CR1L: variants seen among roughly 807,000 people sequenced by gnomAD.
CR1L encodes the protein complement C3b/C4b receptor 1 like.
A neutral mutation model predicts 62.3 loss-of-function variants in CR1L; 59 were observed. That is an observed-to-expected ratio of 0.95 (90% confidence interval 0.77 to 1.18). The LOEUF is 1.18. Ranked by LOEUF, CR1L falls within the 50% of genes most tolerant of loss-of-function variation. The pLI, the probability that CR1L is intolerant of heterozygous loss-of-function variation, is 0.00. For missense variants in CR1L, 700 were observed against 702.8 expected, an observed-to-expected ratio of 1.00 and a Z score of 0.04; for synonymous variants, 279 against 248.7, an observed-to-expected ratio of 1.12 and a Z score of -1.15.
At position 207,697,666 on chromosome 1, in the gene CR1L, C is replaced by A. The variant is rs1176246630; in HGVS notation, c.1026C>A (p.Ala342=). Residue 342 remains alanine (A), a synonymous_variant, in exon 6 of 12, where the codon GCC becomes GCA. Transcript: ENST00000508064. The part of the protein sequence containing the change: ...CTPQGDWSPA[A]PRCEVKSCDD... Reference sequence around the variant, plus strand: ...CCCAGGGAGACTGGAGCCCTGCAGCCCCCAGATGTGAAGGTGACTAGACTC... The same window carrying A: ...CCCAGGGAGACTGGAGCCCTGCAGCACCCAGATGTGAAGGTGACTAGACTC... 6.2e-7 allele frequency: 1 copy of A among 1,613,982 alleles called. No individual in the cohort carries two copies. Among genetic ancestry groups the A allele is most frequent in the South Asian group, 1.1e-5 (1 of 91,072 alleles).
chr1:207,711,707 G>T (rs2102479936), intron 10 of CR1L, among the ~76,000 whole-genome samples: 1 of 152,282 alleles, frequency 6.6e-6, no homozygotes, highest in East Asian at 1.9e-4. Context: ...AGGAGTTCAA[G>T]ACCAGCCTGG....
intron 9 of CR1L, among the ~76,000 whole-genome samples, chr1:207,704,331 G>C (rs1310860069): frequency 4.6e-5 from 7 of 152,178 alleles, no homozygotes; most frequent in Non-Finnish European, 8.8e-5. Flanking sequence ...ACTTCTTATG[G>C]ATGAGCAGAG....
intron 1 of CR1L, among the ~76,000 whole-genome samples, chr1:207,663,563 A>G (rs1663460448): frequency 6.6e-6 from 1 of 152,208 alleles, no homozygotes; most frequent in African/African-American, 2.4e-5. Context: ...TGACTAGGAA[A>G]GGGAATTCCC....
chr1:207,690,579 T>C (rs1663981223), intron 4 of CR1L, among the ~76,000 whole-genome samples: 1 of 152,356 alleles, frequency 6.6e-6, no homozygotes, highest in South Asian at 2.1e-4. Context: ...GTTCTCTCAG[T>C]TATGGAGAAG....
At chr1:207,720,130 C>T (rs1654096114) in intron 11 of CR1L, among the ~76,000 whole-genome samples, 1 of 152,172 alleles carries the variant, frequency 6.6e-6, no homozygotes, top group Non-Finnish European at 1.5e-5. Context: ...GAACTCAGAG[C>T]TTAGTGTAAA....
rs1431522584 is a variant in CR1L at position 207,645,153 on chromosome 1, T to C, written c.-81T>C. ...GGATTGTTGTGTCCACTAACCGGAC[T>C]CAGAAGGGACTTCCCTGCTCGGCTG... On this transcript the variant is annotated 5_prime_UTR_variant, in exon 1 of 12. Coordinates refer to ENST00000508064, the MANE Select transcript of CR1L (RefSeq NM_175710.2). 1 of 1,401,322 alleles carries C rather than the reference T, an allele frequency of 7.1e-7. No homozygotes were observed. Among genetic ancestry groups the C allele is most frequent in the Non-Finnish European group, 1.0e-6 (1 of 998,254 alleles). 86.8% of individuals were successfully genotyped at this position (1,401,322 alleles called of 1,614,324 possible). A position where few individuals can be genotyped will look rare whatever the true frequency, so the allele number is the denominator to read the frequency against.
chr1:207,660,608 T>C (rs565682416), intron 1 of CR1L, among the ~76,000 whole-genome samples: 1 of 152,214 alleles, frequency 6.6e-6, no homozygotes, highest in Non-Finnish European at 1.5e-5. Flanking sequence ...CCTGGATCCA[T>C]TGATTTTTTG....
intron 1 of CR1L, among the ~76,000 whole-genome samples, chr1:207,670,944 A>T (rs1268957057): frequency 6.6e-6 from 1 of 151,120 alleles, no homozygotes; most frequent in African/African-American, 2.5e-5. Flanking sequence ...CGGTGTGCAC[A>T]GTCCTTTGGA....
chr1:207,723,317 C>A (rs1054339403), intron 11 of CR1L, among the ~76,000 whole-genome samples: 1 of 151,466 alleles, frequency 6.6e-6, no homozygotes, highest in Non-Finnish European at 1.5e-5. Flanking sequence ...GTTTTCCCAG[C>A]TACACAGGAG....
In CR1L at chr1:207,677,525, C is replaced by A; in HGVS notation, c.234C>A (p.Cys78Ter). 1 of 1,613,836 alleles carries A rather than the reference C, an allele frequency of 6.2e-7. No individual in the cohort carries two copies. The highest frequency in any genetic ancestry group is 8.5e-7 in the Non-Finnish European group (1 of 1,179,844). ...CCGGAAGACCGTTTTCTATCATCTG[C>A]CTAAAAAACTCAGTCTGGACAAGTG... Reference protein sequence around the residue: ...GYSGRPFSIICLKNSVWTSAK... With the variant: ...GYSGRPFSII The change falls in exon 2 of 12, where the codon TGC (cysteine) becomes TGA (stop). Residue 78 changes from cysteine to a stop codon, truncating the protein, a stop_gained. Coordinates refer to ENST00000508064, the MANE Select transcript of CR1L (RefSeq NM_175710.2). LOFTEE classifies it high-confidence loss of function.
intron 1 of CR1L, among the ~76,000 whole-genome samples, chr1:207,663,756 C>T (rs4076514): frequency 0.41 from 61,882 of 151,994 alleles, 12,876 homozygotes; most frequent in African/African-American, 0.48. Context: ...TGTTCCTATT[C>T]GGCCATCTTG....
rs1051312938 is a variant in CR1L, at chr1:207,697,929, C to T, written c.1142+56C>T. 2.5e-6 allele frequency: 4 copies of T among 1,607,576 alleles called. No homozygotes were observed. In the South Asian group the frequency reaches 3.3e-5, roughly 13 times the overall value. ...ATTGAAATTGGGGTTAGGAATTAGT[C>T]CAAAAAGGGGAGATTTGATGTGGCT... On this transcript the variant is annotated intron_variant, in intron 7 of 11. Transcript: ENST00000508064.
intron 10 of CR1L, among the ~76,000 whole-genome samples, chr1:207,713,134 A>G (rs986356398): frequency 2.6e-5 from 4 of 152,230 alleles, no homozygotes; most frequent in African/African-American, 9.6e-5. Context: ...TGGCACATAC[A>G]ACTCAATATC....
At chr1:207,656,967 G>A (rs1663321181) in intron 1 of CR1L, among the ~76,000 whole-genome samples, 1 of 152,196 alleles carries the variant, frequency 6.6e-6, no homozygotes, top group African/African-American at 2.4e-5. Flanking sequence ...AATTTGGGAT[G>A]ATATATTTGC....
chr1:207,697,889 C>A lies in CR1L; in HGVS notation c.1142+16C>A. 4.3e-6 allele frequency: 7 copies of A among 1,613,606 alleles called. No individual in the cohort carries two copies. Among genetic ancestry groups the A allele is most frequent in the Non-Finnish European group, 5.9e-6 (7 of 1,179,818 alleles). ...GTGATGAAGGGTGAGTATGAGCTTG[C>A]CTGACCTGCTGGACATTGAAATTGG... On this transcript the variant is annotated intron_variant, in intron 7 of 11. Coordinates refer to ENST00000508064, the MANE Select transcript of CR1L (RefSeq NM_175710.2).
chr1:207,716,786 G>T (rs1654009406), intron 10 of CR1L, among the ~76,000 whole-genome samples: 1 of 152,120 alleles, frequency 6.6e-6, no homozygotes, highest in Non-Finnish European at 1.5e-5. Context: ...ATAAACTTGG[G>T]TATCTCTTCC....
At chr1:207,716,635 C>G (rs1654005706) in intron 10 of CR1L, among the ~76,000 whole-genome samples, 1 of 151,978 alleles carries the variant, frequency 6.6e-6, no homozygotes, top group African/African-American at 2.4e-5. Context: ...ACTCAAGTAT[C>G]CAACAAACTC....
chr1:207,695,209 G>A (rs1482707988), intron 5 of CR1L, among the ~76,000 whole-genome samples: 2 of 152,184 alleles, frequency 1.3e-5, no homozygotes, highest in East Asian at 3.9e-4. Context: ...TACTGCAACC[G>A]CCACCTCCCT....
intron 1 of CR1L, among the ~76,000 whole-genome samples, chr1:207,653,487 CAAACTCTTAGAGTT>C: frequency 6.6e-6 from 1 of 152,312 alleles, no homozygotes; most frequent in East Asian, 1.9e-4. Flanking sequence ...TTTAAATCTG[CAAACTCTTAGAGTT>C]AAAGTAGGGC....
Sources: allele counts gnomAD v4.1 joint callset (sites outside exome capture counted in the v4.1 genomes callset), GRCh38; gene constraint gnomAD v4.1.1; transcripts MANE v1.5; gene names NCBI Gene and HGNC (gene_info 2026-07-23, HGNC 2026-07-21).